AKT3: variants seen among roughly 807,000 people sequenced by gnomAD.
The protein encoded by AKT3 is RAC-gamma serine/threonine-protein kinase.
Under a neutral mutation model 65.3 loss-of-function variants are expected in AKT3, and 15 were observed. That is an observed-to-expected ratio of 0.23 (90% CI 0.15 to 0.35). The LOEUF is 0.35. Among genes scored for constraint, AKT3 ranks in the 10% least tolerant of loss-of-function variants. AKT3 has a pLI of 1.00. For synonymous variants in AKT3, 206 were observed against 183.8 expected (o/e 1.12, Z -0.98); for missense variants, 243 against 576.5 (o/e 0.42, Z 5.92).
chr1:243,613,987 T>C (rs1678094455), intron 7 of AKT3, among the ~76,000 whole-genome samples: 2 of 152,194 alleles, frequency 1.3e-5, no homozygotes, highest in Non-Finnish European at 1.5e-5. Context: ...GTAAACTTAA[T>C]TGCAACAAGC....
intron 6 of AKT3, among the ~76,000 whole-genome samples, chr1:243,618,930 T>C (rs1009224982): frequency 3.9e-5 from 6 of 152,080 alleles, no homozygotes; most frequent in Admixed American, 3.9e-4. Context: ...AAGAACACCA[T>C]GAGTGTCATC....
chr1:243,682,185 A>T (rs1275474595), intron 3 of AKT3, among the ~76,000 whole-genome samples: 1 of 152,068 alleles, frequency 6.6e-6, no homozygotes, highest in Non-Finnish European at 1.5e-5. Context: ...ATAAGGTCAT[A>T]AAAAAATTAT....
intron 2 of AKT3, among the ~76,000 whole-genome samples, chr1:243,764,745 CAT>C (rs1213408686): frequency 6.6e-6 from 1 of 152,060 alleles, no homozygotes; most frequent in Admixed American, 6.5e-5. Flanking sequence ...CCATAACTAC[CAT>C]ATGTTACTCA....
At chr1:243,669,704 G>T (rs1464427025) in intron 3 of AKT3, among the ~76,000 whole-genome samples, 1 of 152,154 alleles carries the variant, frequency 6.6e-6, no homozygotes, top group Non-Finnish European at 1.5e-5. Context: ...TCGAAGTGCT[G>T]TTATAAGATT....
In AKT3 at chr1:243,847,633, T is replaced by C. The variant is rs1457774058; in HGVS notation, c.-113+2407A>G. Reference sequence around the variant, plus strand: ...AGTCCTTACTTTCCACAAGTCTCTATGCTAAGTCCATTTGTTCCCTAGTAA... The same window carrying C: ...AGTCCTTACTTTCCACAAGTCTCTACGCTAAGTCCATTTGTTCCCTAGTAA... On this transcript the variant is annotated intron_variant, in intron 1 of 13. Transcript: ENST00000673466. 2.6e-5 allele frequency among the ~76,000 whole-genome samples: 4 copies of C among 152,184 alleles called. No homozygotes were observed. In the East Asian group the frequency reaches 5.8e-4, roughly 22 times the overall value.
intron 4 of AKT3, among the ~76,000 whole-genome samples, 175 bp downstream of exon 4, chr1:243,664,590 TATATTAA>T (rs1558697484): frequency 6.6e-6 from 1 of 152,144 alleles, no homozygotes; most frequent in Non-Finnish European, 1.5e-5. Flanking sequence ...GAGGTTCTGA[TATATTAA>T]ATATTATTTT....
chr1:243,751,864 T>C lies in AKT3; in HGVS notation c.47-56148A>G, dbSNP rs993505204. ...AAGAGAGTTTAGGGAGGTTGGATTA[T>C]CCTCCAGGAACTTCAGCACTGGAGC... On this transcript the variant is annotated intron_variant, in intron 2 of 13. Transcript: ENST00000673466. Among the ~76,000 whole-genome samples, 5 of 152,272 alleles carry C rather than the reference T, an allele frequency of 3.3e-5. No individual in the cohort carries two copies. In the South Asian group the frequency reaches 8.3e-4, roughly 25 times the overall value.
intron 3 of AKT3, among the ~76,000 whole-genome samples, chr1:243,677,997 A>T (rs1683646860): frequency 6.6e-6 from 1 of 152,120 alleles, no homozygotes; most frequent in South Asian, 2.1e-4. Context: ...CTGAGGCAGG[A>T]GAATTGCTTG....
At chr1:243,734,897 A>T (rs1687758777) in intron 2 of AKT3, 3 of 152,038 alleles carry the variant, frequency 2.0e-5, no homozygotes, top group East Asian at 3.9e-4. Flanking sequence ...TTCTACTTAA[A>T]TTTTTTTTAC....
chr1:243,665,284 A>G (rs751716749), intron 3 of AKT3, among the ~76,000 whole-genome samples: 1 of 151,946 alleles, frequency 6.6e-6, no homozygotes, highest in East Asian at 1.9e-4. Flanking sequence ...CTTCCATAAC[A>G]CCTCGCCCTA....
At chr1:243,700,651 G>A (rs886072295) in intron 2 of AKT3, among the ~76,000 whole-genome samples, 3 of 151,828 alleles carry the variant, frequency 2.0e-5, no homozygotes, top group East Asian at 1.9e-4. Flanking sequence ...TTACAGGTGC[G>A]CACCACCACA....
At chr1:243,752,371 T>C (rs754412272) in intron 2 of AKT3, among the ~76,000 whole-genome samples, 1 of 152,210 alleles carries the variant, frequency 6.6e-6, no homozygotes, top group Non-Finnish European at 1.5e-5. Context: ...TTCTTTGTAT[T>C]TGATGACACT....
chr1:243,568,401 A>T (rs1164885212), intron 9 of AKT3, among the ~76,000 whole-genome samples: 1 of 151,954 alleles, frequency 6.6e-6, no homozygotes, highest in African/African-American at 2.4e-5. Context: ...TTTCTATCAG[A>T]GGGTTGTTAT....
chr1:243,674,662 A>C (rs569225058), intron 3 of AKT3, among the ~76,000 whole-genome samples: 36 of 152,330 alleles, frequency 2.4e-4, no homozygotes, highest in African/African-American at 8.7e-4. Flanking sequence ...CTGCTGGACT[A>C]GTAGGGACTT....
At chr1:243,739,953 T>C (rs1178014799) in intron 2 of AKT3, among the ~76,000 whole-genome samples, 1 of 152,240 alleles carries the variant, frequency 6.6e-6, no homozygotes, top group Non-Finnish European at 1.5e-5. Flanking sequence ...TGGATCACTA[T>C]TGCTCATTAT....
chr1:243,748,535 A>G (rs1280142021), intron 2 of AKT3, among the ~76,000 whole-genome samples: 3 of 152,230 alleles, frequency 2.0e-5, no homozygotes, highest in Admixed American at 2.0e-4. Flanking sequence ...GAACCAATTC[A>G]GCAGATAAGT....
At chr1:243,731,189 C>A (rs1687542476) in intron 2 of AKT3, among the ~76,000 whole-genome samples, 1 of 152,126 alleles carries the variant, frequency 6.6e-6, no homozygotes, top group Admixed American at 6.5e-5. Context: ...GTATCTACCA[C>A]ATGCCAAAAT....
intron 2 of AKT3, among the ~76,000 whole-genome samples, chr1:243,766,261 C>G (rs1257850002): frequency 6.6e-6 from 1 of 152,034 alleles, no homozygotes; most frequent in Non-Finnish European, 1.5e-5. Flanking sequence ...CATTCATATT[C>G]AATAAACATT....
intron 9 of AKT3, 72 bp from the exon 10 acceptor site, chr1:243,563,920 T>A (rs745559857): frequency 1.4e-6 from 2 of 1,436,922 alleles, no homozygotes; most frequent in Non-Finnish European, 1.9e-6. Flanking sequence ...TTTAAAAAAC[T>A]ACTGAATGCT....
Sources: gnomAD v4.1 joint callset for allele counts (sites outside exome capture counted in the v4.1 genomes callset) on GRCh38, gnomAD v4.1.1 for gene constraint, MANE v1.5 for transcripts, NCBI Gene and HGNC (gene_info 2026-07-23, HGNC 2026-07-21) for gene names.